The following DSCAM variants were observed in gnomAD, a reference collection of about 807,000 sequenced individuals.
The protein encoded by DSCAM is DS cell adhesion molecule.
In DSCAM, 47 loss-of-function variants were observed where a neutral mutation model predicts 217.7. That is an observed-to-expected ratio of 0.22 (90% CI 0.17 to 0.28). The LOEUF (loss-of-function observed/expected upper bound fraction) is 0.28. Ranked by LOEUF, DSCAM falls within the 10% of genes least tolerant of loss-of-function variation. The pLI, the probability that DSCAM is intolerant of heterozygous loss-of-function variation, is 1.00. For missense variants in DSCAM, 2,080 were observed against 2,618.3 expected (o/e 0.79, Z 4.49); for synonymous variants, 1,056 against 1,015.3 (o/e 1.04, Z -0.76).
At chr21:40,113,406 C>T (rs1450946702) in intron 20 of DSCAM, among the ~76,000 whole-genome samples, 3 of 152,054 alleles carry the variant, frequency 2.0e-5, no homozygotes, top group Non-Finnish European at 2.9e-5. Context: ...ATTGATGGGA[C>T]GTATCTCAAA....
intron 3 of DSCAM, among the ~76,000 whole-genome samples, chr21:40,600,010 T>C (rs1032487078): frequency 6.6e-6 from 1 of 152,192 alleles, no homozygotes; most frequent in Non-Finnish European, 1.5e-5. Flanking sequence ...GATTCACAGC[T>C]GAATTCTACA....
At chr21:40,605,051 C>T (rs182440561) in intron 3 of DSCAM, among the ~76,000 whole-genome samples, 154 of 152,266 alleles carry the variant, frequency 1.0e-3, no homozygotes, top group African/African-American at 3.3e-3. Flanking sequence ...CTTCTCACTT[C>T]CCATGCTCAG....
chr21:40,681,460 C>T (rs1370132520), intron 3 of DSCAM, among the ~76,000 whole-genome samples: 2 of 149,032 alleles, frequency 1.3e-5, no homozygotes. Context: ...ATGGGGCTGT[C>T]TGCTTTTTGT....
At chr21:40,621,239 C>G (rs1189176736) in intron 3 of DSCAM, 1 of 151,888 alleles carries the variant, frequency 6.6e-6, no homozygotes, top group Non-Finnish European at 1.5e-5. Flanking sequence ...TACAAAAAAA[C>G]AAACAAAAAA....
chr21:40,266,986 A>G (rs1288423108), intron 11 of DSCAM, among the ~76,000 whole-genome samples: 1 of 130,090 alleles, frequency 7.7e-6, no homozygotes, highest in African/African-American at 2.9e-5. Context: ...GGGCACACAA[A>G]GGCATACAGA....
In DSCAM at chr21:40,657,508, G is replaced by T. The variant is rs185919435; in HGVS notation, c.508+35302C>A. Among the ~76,000 whole-genome samples, 6 of 152,206 alleles carry T rather than the reference G, an allele frequency of 3.9e-5. No homozygotes were observed. The East Asian group carries it at 1.2e-3, about 29-fold the overall frequency. ...TGCAAGAAAAAGAAAAAGTGAAATG[G>T]ACCAATTCCAGGGCTTTATTTTCAG... On this transcript the variant is annotated intron_variant, in intron 3 of 32. Coordinates refer to ENST00000400454, the MANE Select transcript of DSCAM (RefSeq NM_001389.5).
intron 1 of DSCAM, among the ~76,000 whole-genome samples, chr21:40,743,956 C>T (rs1291956398): frequency 6.6e-6 from 1 of 152,118 alleles, no homozygotes; most frequent in Non-Finnish European, 1.5e-5. Flanking sequence ...TATTAAAAGA[C>T]AAGAATACCA....
intron 25 of DSCAM, 95 bp from the exon 26 acceptor site, chr21:40,079,072 G>T: frequency 7.0e-7 from 1 of 1,423,640 alleles, no homozygotes; most frequent in Non-Finnish European, 9.5e-7. Context: ...CCTCCAGCGA[G>T]GCCAGGAGCT....
Position 40,138,996 on chromosome 21 carries a change from GTGTGTGGTGTA to G in DSCAM, c.3406+3551_3406+3561del, listed in dbSNP as rs368235094. Among the ~76,000 whole-genome samples the G allele has an allele frequency of 1.9e-3, 271 of 146,086 alleles. 2 individuals carry two copies. The highest frequency in any genetic ancestry group is 6.6e-3 in the African/African-American group (258 of 39,372). On this transcript the variant is annotated intron_variant, in intron 18 of 32. Transcript: ENST00000400454. ...TATGTGAGATGTGCCTGGGGTTATG[GTGTGTGGTGTA>G]TGTGTGGTGTGTGTGTAGTGTGTGT...
At chr21:40,371,192 A>G (rs1023083199) in intron 3 of DSCAM, among the ~76,000 whole-genome samples, 1 of 152,060 alleles carries the variant, frequency 6.6e-6, no homozygotes, top group Non-Finnish European at 1.5e-5. Flanking sequence ...AAGCTGAAAA[A>G]TCTCCTAATG....
intron 11 of DSCAM, among the ~76,000 whole-genome samples, chr21:40,240,028 C>T (rs2073127904): frequency 6.6e-6 from 1 of 152,182 alleles, no homozygotes; most frequent in Admixed American, 6.5e-5. Flanking sequence ...TTCATGTGCA[C>T]ACAAAACACC....
At chr21:40,650,843 G>A (rs2090004801) in intron 3 of DSCAM, among the ~76,000 whole-genome samples, 1 of 152,216 alleles carries the variant, frequency 6.6e-6, no homozygotes, top group South Asian at 2.1e-4. Flanking sequence ...GAACCTGGGA[G>A]GCGGAGGTTG....
At chr21:40,674,632 C>CTTTTTTT (rs869046725) in intron 3 of DSCAM, among the ~76,000 whole-genome samples, 8 of 51,996 alleles carry the variant, frequency 1.5e-4, no homozygotes, top group African/African-American at 4.5e-4. Context: ...TTTTCTTTTT[C>CTTTTTTT]TTTTTTTTTT....
intron 8 of DSCAM, among the ~76,000 whole-genome samples, chr21:40,335,650 C>A (rs1832377704): frequency 6.6e-6 from 1 of 152,096 alleles, no homozygotes. Context: ...AGACAAAGGC[C>A]AATGCATAAA....
At chr21:40,624,763 TCCAAAAGCACATC>T (rs2089576663) in intron 3 of DSCAM, among the ~76,000 whole-genome samples, 1 of 26,910 alleles carries the variant, frequency 3.7e-5, no homozygotes, top group African/African-American at 6.1e-5. Context: ...TGCATACACA[TCCAAAAGCACATC>T]CACACAAACA....
intron 3 of DSCAM, among the ~76,000 whole-genome samples, chr21:40,629,074 GTGGT>G (rs1189296939): frequency 7.5e-6 from 1 of 133,406 alleles, no homozygotes; most frequent in East Asian, 2.4e-4. Context: ...ATGTGTGTGT[GTGGT>G]GTGTGTGTGT....
At chr21:40,747,572 C>T (rs914845703) in intron 1 of DSCAM, among the ~76,000 whole-genome samples, 3 of 151,716 alleles carry the variant, frequency 2.0e-5, no homozygotes, top group African/African-American at 7.2e-5. Context: ...AAGAATCTCC[C>T]ATTCAAAAAA....
intron 3 of DSCAM, among the ~76,000 whole-genome samples, chr21:40,666,786 G>T (rs561284899): frequency 6.6e-6 from 1 of 152,326 alleles, no homozygotes; most frequent in African/African-American, 2.4e-5. Context: ...TGAACCAAAT[G>T]TTCCAAGGAT....
chr21:40,738,848 G>T (rs2091092468), intron 1 of DSCAM, among the ~76,000 whole-genome samples: 1 of 152,178 alleles, frequency 6.6e-6, no homozygotes, highest in Admixed American at 6.5e-5. Flanking sequence ...GGCTTGGAAG[G>T]TGCATCACTT....
Sources: allele counts gnomAD v4.1 joint callset (sites outside exome capture counted in the v4.1 genomes callset), GRCh38; gene constraint gnomAD v4.1.1; transcripts MANE v1.5; gene names NCBI Gene and HGNC (gene_info 2026-07-23, HGNC 2026-07-21).